The following ANKRD28 variants were observed in gnomAD, a reference collection of about 807,000 sequenced individuals.
ANKRD28 encodes serine/threonine-protein phosphatase 6 regulatory ankyrin repeat subunit A.
A neutral mutation model predicts 126.5 loss-of-function variants in ANKRD28; 44 were observed. That is an observed-to-expected ratio of 0.35 (90% CI 0.27 to 0.45). The LOEUF is 0.45. ANKRD28 is among the 20% of genes least tolerant of loss of function. ANKRD28 has a pLI of 1.00. For synonymous variants in ANKRD28, 442 were observed against 468.5 expected (o/e 0.94, Z 0.73); for missense variants, 1,110 against 1,316.6 (o/e 0.84, Z 2.43).
At chr3:15,794,013 T>C (rs976470332) in intron 2 of ANKRD28, among the ~76,000 whole-genome samples, 8 of 152,178 alleles carry the variant, frequency 5.3e-5, no homozygotes, top group East Asian at 1.9e-4. Flanking sequence ...GAGGTTGCAG[T>C]GAGCGGAGAT....
At chr3:15,712,077 G>C in intron 11 of ANKRD28, 63 bp downstream of exon 11, 2 of 1,243,106 alleles carry the variant, frequency 1.6e-6, no homozygotes, top group Non-Finnish European at 2.3e-6. Context: ...GCAGGATAGA[G>C]ACCATCTAAA....
chr3:15,769,988 A>G (rs1458462336), intron 2 of ANKRD28, among the ~76,000 whole-genome samples: 1 of 151,972 alleles, frequency 6.6e-6, no homozygotes, highest in Admixed American at 6.6e-5. Flanking sequence ...GAGTACACTG[A>G]ACACCTGTCA....
At chr3:15,671,906 A>T (rs138067071) in intron 27 of ANKRD28, among the ~76,000 whole-genome samples, 120 of 152,034 alleles carry the variant, frequency 7.9e-4, no homozygotes, top group African/African-American at 2.8e-3. Flanking sequence ...TTTTTAAAAA[A>T]CTTAATATAA....
chr3:15,718,590 TATC>T (rs2073343329), intron 8 of ANKRD28, among the ~76,000 whole-genome samples: 1 of 151,878 alleles, frequency 6.6e-6, no homozygotes, highest in Non-Finnish European at 1.5e-5. Context: ...AGTGATTCAT[TATC>T]ATCAAATTAT....
In ANKRD28 at chr3:15,836,851, G is replaced by A. The variant is rs543470872; in HGVS notation, c.27+22526C>T. ...CAGCTCACACCTGTAATAACAGGCC[G>A]AGGCGGGCAGATCACAAGGTCAGGA... On this transcript the variant is annotated intron_variant, in intron 1 of 27. Transcript: ENST00000399451. Among the ~76,000 whole-genome samples the A allele has an allele frequency of 1.1e-4, 17 of 151,994 alleles. No individual in the cohort carries two copies. In the East Asian group the frequency reaches 2.9e-3, roughly 26 times the overall value.
chr3:15,757,960 G>C (rs1446695669), intron 3 of ANKRD28, among the ~76,000 whole-genome samples: 1 of 152,124 alleles, frequency 6.6e-6, no homozygotes, highest in Admixed American at 6.5e-5. Context: ...GAGTTGAATG[G>C]CCTGTAACTT....
Position 15,788,407 on chromosome 3 carries a change from C to T in ANKRD28, c.201+6816G>A, listed in dbSNP as rs964166791. Among the ~76,000 whole-genome samples the T allele has an allele frequency of 3.9e-5, 6 of 152,128 alleles. No homozygotes were observed. In the East Asian group the frequency reaches 9.6e-4, roughly 24 times the overall value. On this transcript the variant is annotated intron_variant, in intron 2 of 27. Coordinates refer to ENST00000683139, the MANE Select transcript of ANKRD28 (RefSeq NM_001349278.2). Reference sequence around the variant, plus strand: ...TTTATTTCTCCAGTTACTATTAAGTCGGACATGGGTTCAAATTCCCATTCT... The same window carrying T: ...TTTATTTCTCCAGTTACTATTAAGTTGGACATGGGTTCAAATTCCCATTCT...
chr3:15,853,670 C>T lies in ANKRD28; in HGVS notation c.27+5707G>A, dbSNP rs1399343579. On this transcript the variant is annotated intron_variant, in intron 1 of 27. Transcript: ENST00000399451. This position sits in a 1 kb window ranked among gnomAD's most constrained non-coding sequence, Gnocchi z 4.2. ...ATTTTTAGTAGAGATGGGGTTTCACCGTGTTAGCCAGGATGGTCTCGATCT... is the reference window on the plus strand; with the variant it reads ...ATTTTTAGTAGAGATGGGGTTTCACTGTGTTAGCCAGGATGGTCTCGATCT... 6.6e-6 allele frequency among the ~76,000 whole-genome samples: 1 copy of T among 152,010 alleles called. No individual in the cohort carries two copies.
In ANKRD28 at chr3:15,814,217, G is replaced by GTTT. The variant is rs2060786296; in HGVS notation, c.28-18912_28-18911insAAA. 1.6e-5 allele frequency: 19 copies of GTTT among 1,198,668 alleles called. No homozygotes were observed. Among genetic ancestry groups the GTTT allele is most frequent in the Non-Finnish European group, 2.0e-5 (19 of 944,092 alleles). 74.3% of individuals were successfully genotyped at this position (1,198,668 alleles called of 1,614,324 possible). On this transcript the variant is annotated intron_variant, in intron 1 of 27. Transcript: ENST00000399451. This position sits in a 1 kb window ranked among gnomAD's most constrained non-coding sequence, Gnocchi z 4.7. Reference sequence around the variant, plus strand: ...ACAAGAGCTGCCTATATTACTGCAAGAGACTACTAGAAAATAACCTACCAT... The same window carrying GTTT: ...ACAAGAGCTGCCTATATTACTGCAAGTTTAGACTACTAGAAAATAACCTACCAT...
rs543815892 is a variant in ANKRD28, at chr3:15,755,124, C to T, written c.281-3304G>A. On this transcript the variant is annotated intron_variant, in intron 3 of 27. Coordinates refer to ENST00000683139, the MANE Select transcript of ANKRD28 (RefSeq NM_001349278.2). The stretch of plus-strand genomic sequence containing the variant: ...AGCCTGGGCAACAAGAGCAAAACTC[C>T]GTCTCAAAAAGAAAAAAAATAATAA... Among the ~76,000 whole-genome samples, 6 of 151,728 alleles carry T rather than the reference C, an allele frequency of 4.0e-5. No individual in the cohort carries two copies. In the South Asian group the frequency reaches 1.0e-3, roughly 26 times the overall value.
intron 27 of ANKRD28, 102 bp from the exon 28 acceptor site, chr3:15,670,658 AT>A: frequency 8.6e-7 from 1 of 1,165,150 alleles, no homozygotes; most frequent in African/African-American, 1.6e-5. Context: ...CATATTTTAC[AT>A]TACTTAGCTT....
Position 15,850,224 on chromosome 3 carries a change from T to TAGAGAG in ANKRD28, c.27+9147_27+9152dup, listed in dbSNP as rs375278547. On this transcript the variant is annotated intron_variant, in intron 1 of 27. Transcript: ENST00000399451. ...AAAAAAATATATATATATATATATA[T>TAGAGAG]AGAGAGAGAGAGAGAGAGAGAGAGA... Among the ~76,000 whole-genome samples the TAGAGAG allele has an allele frequency of 7.6e-3, 268 of 35,058 alleles. 5 individuals are homozygous for TAGAGAG. The highest frequency in any genetic ancestry group is 0.01 in the African/African-American group (130 of 12,596). 23.0% of individuals were successfully genotyped at this position (35,058 alleles called of 152,430 possible).
chr3:15,716,796 G>A (rs1197250959), intron 8 of ANKRD28, among the ~76,000 whole-genome samples: 4 of 152,182 alleles, frequency 2.6e-5, no homozygotes, highest in Admixed American at 2.6e-4. Context: ...TTCACGCACA[G>A]TTTTAAAACA....
chr3:15,724,324 TGTAATA>T (rs2074003547), intron 7 of ANKRD28, 52 bp downstream of exon 7: 7 of 1,385,356 alleles, frequency 5.1e-6, no homozygotes, highest in South Asian at 4.2e-5. Flanking sequence ...TTGTCAATAA[TGTAATA>T]GTAAGTATAA....
chr3:15,798,693 C>T (rs186038251), upstream of ANKRD28, among the ~76,000 whole-genome samples: 165 of 151,962 alleles, frequency 1.1e-3, 2 homozygotes, highest in African/African-American at 3.6e-3. Flanking sequence ...CAAAAGGGCA[C>T]AGGGTAATAC....
intron 14 of ANKRD28, among the ~76,000 whole-genome samples, chr3:15,703,811 A>G (rs959047556): frequency 6.6e-6 from 1 of 152,232 alleles, no homozygotes; most frequent in Non-Finnish European, 1.5e-5. Flanking sequence ...GGCTAGAGAT[A>G]ACAACCCATA....
chr3:15,798,212 C>G (rs573023475), upstream of ANKRD28: 119 of 972,106 alleles, frequency 1.2e-4, no homozygotes, highest in South Asian at 1.2e-3. Context: ...CAATTCCAAA[C>G]GGCTTAACTG....
chr3:15,790,378 T>C (rs139361276), intron 2 of ANKRD28, among the ~76,000 whole-genome samples: 1 of 152,198 alleles, frequency 6.6e-6, no homozygotes, highest in Non-Finnish European at 1.5e-5. Context: ...TGAGTATTAA[T>C]GCAGAAATCC....
chr3:15,814,240 C>A lies in ANKRD28; in HGVS notation c.28-18934G>T. Reference sequence around the variant, plus strand: ...AAGAGACTACTAGAAAATAACCTACCATAATAGGAATTCCCATACTATTTT... The same window carrying A: ...AAGAGACTACTAGAAAATAACCTACAATAATAGGAATTCCCATACTATTTT... On this transcript the variant is annotated intron_variant, in intron 1 of 27. Coordinates refer to the ANKRD28 transcript ENST00000399451. The surrounding 1 kb of genome is among the most constrained non-coding windows in gnomAD (Gnocchi z 4.7). The A allele has an allele frequency of 8.1e-7, 1 of 1,238,938 alleles. No individual in the cohort carries two copies. Among genetic ancestry groups the A allele is most frequent in the South Asian group, 1.4e-5 (1 of 71,806 alleles). The allele number at this position is 1,238,938 out of a possible 1,614,324, so 76.7% of individuals were successfully genotyped here.
Sources: allele counts gnomAD v4.1 joint callset (sites outside exome capture counted in the v4.1 genomes callset), GRCh38; gene constraint gnomAD v4.1.1; non-coding constraint Gnocchi (gnomAD v3.1); transcripts MANE v1.5; gene names NCBI Gene and HGNC (gene_info 2026-07-23, HGNC 2026-07-21).